Variants in CALHM2 observed in about 807,000 individuals in gnomAD.
The protein encoded by CALHM2 is calcium homeostasis modulator protein 2.
CALHM2 carries 18 observed loss-of-function variants against 20.4 expected under a neutral mutation model. The observed-to-expected ratio is 0.88, with a 90% CI of 0.61 to 1.31. The LOEUF is 1.31. Among genes scored for constraint, CALHM2 ranks in the 50% most tolerant of loss-of-function variants. The pLI is 0.00. For missense variants in CALHM2, 411 were observed against 435.7 expected, an observed-to-expected ratio of 0.94 and a Z score of 0.50; for synonymous variants, 193 against 192.1, an observed-to-expected ratio of 1.00 and a Z score of -0.04.
At position 103,449,450 on chromosome 10, in the gene CALHM2, C is replaced by G. The variant is rs2232661; in HGVS notation, c.492G>C (p.Glu164Asp). Residue 164 changes from glutamate to aspartate, a missense_variant, in exon 3 of 4, where the codon GAG (glutamate) becomes GAC (aspartate). By Grantham distance (45) the Glu-to-Asp change is conservative. Transcript: ENST00000260743. Reference sequence around the variant, plus strand: ...GGAAGTCTGACAGGTTGTCAGGGTTCTCCTTGCAGGGGAACCTGGCCAGGA... The same window carrying G: ...GGAAGTCTGACAGGTTGTCAGGGTTGTCCTTGCAGGGGAACCTGGCCAGGA... ...TEILARFPCK[E>D]NPDNLSDFRE... 3.7e-6 allele frequency: 6 copies of G among 1,613,140 alleles called. No individual in the cohort carries two copies. The highest frequency in any genetic ancestry group is 1.7e-5 in the Admixed American group (1 of 60,010).
At position 103,450,008 on chromosome 10, in the gene CALHM2, G is replaced by A. The variant is rs987760783; in HGVS notation, c.-67C>T. On this transcript the variant is annotated 5_prime_UTR_variant, in exon 3 of 4. Transcript: ENST00000260743. ...GAGGAGACGGGATTGATGGTTGCTG[G>A]TGGTACTAGGAAGGGGCACAGGCTG... is the stretch of plus-strand genomic sequence containing the variant. 24 of 1,453,064 alleles carry A rather than the reference G, an allele frequency of 1.7e-5. No homozygotes were observed. The highest frequency in any genetic ancestry group is 1.9e-5 in the Non-Finnish European group (20 of 1,058,414). 90.0% of individuals were successfully genotyped at this position (1,453,064 alleles called of 1,614,324 possible).
rs1054270808 is a variant in CALHM2, at chr10:103,452,189, C to T, written c.-395G>A. The T allele has an allele frequency of 6.6e-6, 1 of 152,402 alleles. No individual in the cohort carries two copies. Among genetic ancestry groups the T allele is most frequent in the Admixed American group, 6.5e-5 (1 of 15,294 alleles). The allele number at this position is 152,402 out of a possible 1,614,324, so 9.4% of individuals were successfully genotyped here. A position where few individuals can be genotyped will look rare whatever the true frequency, so the allele number is the denominator to read the frequency against. ...AGCTGTGGGCACTTGTGGCCATGGC[C>T]TCCTCGGGGCCGGACTCTCCAAGTG... On this transcript the variant is annotated 5_prime_UTR_variant, in exon 1 of 4. Transcript: ENST00000260743.
chr10:103,448,860 A>G (rs1340919173), intron 3 of CALHM2, among the ~76,000 whole-genome samples: 1 of 151,902 alleles, frequency 6.6e-6, no homozygotes, highest in Admixed American at 6.6e-5. Context: ...CCCTTGACCA[A>G]CCTCCTCTCC....
chr10:103,449,720 G>C lies in CALHM2; in HGVS notation c.222C>G (p.Ile74Met), dbSNP rs747697777. 6.2e-7 allele frequency: 1 copy of C among 1,613,724 alleles called. No homozygotes were observed. The highest frequency in any genetic ancestry group is 1.1e-5 in the South Asian group (1 of 91,078). ...PALVLFIIGI[I>M]LNNHTWNLVA... ...CGAGGTTCCAGGTGTGGTTGTTGAG[G>C]ATGATGCCAATGATGAAGAGCACCA... is the stretch of plus-strand genomic sequence containing the variant. The change falls in exon 3 of 4, where the codon ATC becomes ATG. Residue 74 changes from isoleucine to methionine, a missense_variant. Transcript: ENST00000260743.
chr10:103,449,760 A>T lies in CALHM2; in HGVS notation c.182T>A (p.Ile61Asn), dbSNP rs750819060. 6.2e-7 allele frequency: 1 copy of T among 1,613,396 alleles called. No individual in the cohort carries two copies. The highest frequency in any genetic ancestry group is 1.6e-4 in the Middle Eastern group (1 of 6,062). ...GAAGAGCACCAGGGCGGGCACGCCGATGGCCGCCAGCCCGTACAGGTAGTT... is the reference window on the plus strand; with the variant it reads ...GAAGAGCACCAGGGCGGGCACGCCGTTGGCCGCCAGCCCGTACAGGTAGTT... ...ARNYLYGLAA[I>N]GVPALVLFII... is the part of the protein sequence containing the mutation. The change falls in exon 3 of 4, where the codon ATC (isoleucine) becomes AAC (asparagine). Residue 61 changes from isoleucine to asparagine, a missense_variant. Transcript: ENST00000260743.
chr10:103,447,551 G>T lies in CALHM2; in HGVS notation c.573C>A (p.Leu191=). The stretch of plus-strand genomic sequence containing the variant: ...ACACCAGGATGGCCACCACGCCGAT[G>T]AGCAGCCATCCAAAGAGCTGGCCAG... ...RYESQLFGWL[L]IGVVAILVFL... The change falls in exon 4 of 4, where the codon CTC becomes CTA. Residue 191 remains leucine, a synonymous_variant. Transcript: ENST00000260743. The T allele has an allele frequency of 1.3e-6, 2 of 1,596,426 alleles. No individual in the cohort carries two copies. Among genetic ancestry groups the T allele is most frequent in the South Asian group, 1.1e-5 (1 of 89,156 alleles).
rs746533756 is a variant in CALHM2, at chr10:103,447,316, C to G, written c.808G>C (p.Glu270Gln). 6.2e-7 allele frequency: 1 copy of G among 1,614,260 alleles called. No homozygotes were observed. Among genetic ancestry groups the G allele is most frequent in the Non-Finnish European group, 8.5e-7 (1 of 1,180,042 alleles). The change falls in exon 4 of 4, where the codon GAA (glutamate) becomes CAA (glutamine). Residue 270 changes from glutamate to glutamine, a missense_variant. Coordinates refer to ENST00000260743, the MANE Select transcript of CALHM2 (RefSeq NM_015916.5). ...CACTGTGGCCGTGGCTGCGTGCCTT[C>G]CACTGGGAAGTTGGCAATCAGTTCC... ...DEELIANFPVEGTQPRPQWNA... is the reference protein window; with the variant it reads ...DEELIANFPVQGTQPRPQWNA...
At chr10:103,448,208 G>A (rs1158769003) in intron 3 of CALHM2, among the ~76,000 whole-genome samples, 5 of 151,328 alleles carry the variant, frequency 3.3e-5, no homozygotes, top group Admixed American at 2.0e-4. Context: ...GTACAGTGGC[G>A]TGATCTTGGC....
chr10:103,450,015 T>A lies in CALHM2; in HGVS notation c.-74A>T. 7.2e-7 allele frequency: 1 copy of A among 1,394,742 alleles called. No individual in the cohort carries two copies. The highest frequency in any genetic ancestry group is 9.9e-7 in the Non-Finnish European group (1 of 1,008,254). The allele number at this position is 1,394,742 out of a possible 1,614,324, so 86.4% of individuals were successfully genotyped here. A position where few individuals can be genotyped will look rare whatever the true frequency, so the allele number is the denominator to read the frequency against. Reference sequence around the variant, plus strand: ...CGGGATTGATGGTTGCTGGTGGTACTAGGAAGGGGCACAGGCTGGGAGGCG... The same window carrying A: ...CGGGATTGATGGTTGCTGGTGGTACAAGGAAGGGGCACAGGCTGGGAGGCG... On this transcript the variant is annotated 5_prime_UTR_variant, in exon 3 of 4. Coordinates refer to ENST00000260743, the MANE Select transcript of CALHM2 (RefSeq NM_015916.5).
At chr10:103,449,346 A>T in intron 3 of CALHM2, 41 bp downstream of exon 3, 1 of 1,569,654 alleles carries the variant, frequency 6.4e-7, no homozygotes, top group East Asian at 2.2e-5. Context: ...CTCACCAGCC[A>T]CCACTAGGGA....
At position 103,447,339 on chromosome 10, in the gene CALHM2, T is replaced by C. The variant is rs2032688832; in HGVS notation, c.785A>G (p.Glu262Gly). 6.2e-7 allele frequency: 1 copy of C among 1,614,116 alleles called. No homozygotes were observed. Among genetic ancestry groups the C allele is most frequent in the South Asian group, 1.1e-5 (1 of 91,088 alleles). The change falls in exon 4 of 4, where the codon GAA becomes GGA. Residue 262 changes from glutamate (E) to glycine (G), a missense_variant. Coordinates refer to ENST00000260743, the MANE Select transcript of CALHM2 (RefSeq NM_015916.5). The part of the protein sequence containing the change: ...GFVALNKDDE[E>G]LIANFPVEGT... ...TTCCACTGGGAAGTTGGCAATCAGT[T>C]CCTCATCATCCTTGTTGAGCGCCAC...
rs1375995626 is a variant in CALHM2, at chr10:103,449,703, C to T, written c.239G>A (p.Trp80Ter). 2 of 1,613,670 alleles carry T rather than the reference C, an allele frequency of 1.2e-6. No homozygotes were observed. Among genetic ancestry groups the T allele is most frequent in the Non-Finnish European group, 1.7e-6 (2 of 1,180,048 alleles). ...GTGCTGGCACTCGGCCACGAGGTTC[C>T]AGGTGTGGTTGTTGAGGATGATGCC... The part of the protein sequence containing the change: ...IIGIILNNHT[W>*]NLVAECQHRR... The change falls in exon 3 of 4, where the codon TGG becomes TAG. Residue 80 changes from tryptophan to a stop codon, truncating the protein, a stop_gained. Transcript: ENST00000260743. LOFTEE classifies it high-confidence loss of function.
rs773296676 is a variant in CALHM2 at position 103,449,985 on chromosome 10, G to A, written c.-44C>T. On this transcript the variant is annotated 5_prime_UTR_variant, in exon 3 of 4. Transcript: ENST00000260743. ...GTGGATTGCAGGAGAGGAGGCAGGA[G>A]GAGACGGGATTGATGGTTGCTGGTG... 2 of 1,562,904 alleles carry A rather than the reference G, an allele frequency of 1.3e-6. No homozygotes were observed. Among genetic ancestry groups the A allele is most frequent in the Admixed American group, 3.4e-5 (2 of 58,238 alleles).
At position 103,446,972 on chromosome 10, in the gene CALHM2, G is replaced by T. The variant is rs1353915801; in HGVS notation, c.*180C>A. 3.3e-6 allele frequency: 2 copies of T among 614,292 alleles called. No homozygotes were observed. Among genetic ancestry groups the T allele is most frequent in the Non-Finnish European group, 5.5e-6 (2 of 362,134 alleles). The allele number at this position is 614,292 out of a possible 1,614,324, so 38.1% of individuals were successfully genotyped here. ...AGCTTCACTGTCACCTGGCCCTGCTGGCTGGGGCTTCCATTGTCTACTGGG... is the reference window on the plus strand; with the variant it reads ...AGCTTCACTGTCACCTGGCCCTGCTTGCTGGGGCTTCCATTGTCTACTGGG... On this transcript the variant is annotated 3_prime_UTR_variant, in exon 4 of 4. Coordinates refer to ENST00000260743, the MANE Select transcript of CALHM2 (RefSeq NM_015916.5).
intron 2 of CALHM2, 98 bp from the exon 3 acceptor site, chr10:103,450,197 GC>G: frequency 1.9e-6 from 1 of 537,028 alleles, no homozygotes; most frequent in Non-Finnish European, 3.4e-6. Context: ...GGACCATAGG[GC>G]CCCAGGGAAG....
chr10:103,449,787 C>T lies in CALHM2; in HGVS notation c.155G>A (p.Arg52Gln), dbSNP rs563890909. Residue 52 changes from arginine (R) to glutamine (Q), a missense_variant, in exon 3 of 4, where the codon CGG becomes CAG. Transcript: ENST00000260743. ...GGCCGCCAGCCCGTACAGGTAGTTCCGGGCCGGCGAGCAGGGGCAGTGGAA... is the reference window on the plus strand; with the variant it reads ...GGCCGCCAGCCCGTACAGGTAGTTCTGGGCCGGCGAGCAGGGGCAGTGGAA... ...VAFHCPCSPA[R>Q]NYLYGLAAIG... 5.5e-5 allele frequency: 89 copies of T among 1,613,444 alleles called. No homozygotes were observed. The highest frequency in any genetic ancestry group is 1.1e-4 in the East Asian group (5 of 44,888).
rs772875400 is a variant in CALHM2, at chr10:103,449,616, C to A, written c.326G>T (p.Arg109Leu). The A allele has an allele frequency of 6.2e-7, 1 of 1,613,908 alleles. No individual in the cohort carries two copies. The highest frequency in any genetic ancestry group is 8.5e-7 in the Non-Finnish European group (1 of 1,180,032). ...TFLLLSSILG[R>L]AAVAPVTWSV... ...CCAGGTGACAGGGGCCACAGCCGCACGTCCCAGGATGGAGCTTAGAAGGAG... is the reference window on the plus strand; with the variant it reads ...CCAGGTGACAGGGGCCACAGCCGCAAGTCCCAGGATGGAGCTTAGAAGGAG... Residue 109 changes from arginine to leucine, a missense_variant, in exon 3 of 4, where the codon CGT becomes CTT. By Grantham distance (102) the Arg-to-Leu change is moderately radical. Transcript: ENST00000260743.
chr10:103,449,843 C>T lies in CALHM2; in HGVS notation c.99G>A (p.Val33=), dbSNP rs2032890657. ...CCACAGAGAACAGCTCCTGGCTGCC[C>T]ACCGTGCCCAGTGCCACCAGGCCGT... The part of the protein sequence containing the change: ...IFNGLVALGT[V]GSQELFSVVA... The change falls in exon 3 of 4, where the codon GTG becomes GTA. Residue 33 remains valine (V), a synonymous_variant. Coordinates refer to ENST00000260743, the MANE Select transcript of CALHM2 (RefSeq NM_015916.5). The T allele has an allele frequency of 6.2e-7, 1 of 1,613,322 alleles. No homozygotes were observed. The highest frequency in any genetic ancestry group is 8.5e-7 in the Non-Finnish European group (1 of 1,180,002).
At chr10:103,448,714 CTG>C (rs1212652549) in intron 3 of CALHM2, among the ~76,000 whole-genome samples, 2 of 150,274 alleles carry the variant, frequency 1.3e-5, no homozygotes, top group Non-Finnish European at 3.0e-5. Context: ...GAGTGAGACT[CTG>C]TCTCAAAAAA....
Sources: gnomAD v4.1 joint callset for allele counts (sites outside exome capture counted in the v4.1 genomes callset) on GRCh38, gnomAD v4.1.1 for gene constraint, MANE v1.5 for transcripts, NCBI Gene and HGNC (gene_info 2026-07-23, HGNC 2026-07-21) for gene names.